TGFBR3: variants seen among roughly 807,000 people sequenced by gnomAD.
TGFBR3 encodes transforming growth factor beta receptor type 3.
TGFBR3 carries 46 observed loss-of-function variants against 87.9 expected under a neutral mutation model. That is an observed-to-expected ratio of 0.52 (90% CI 0.41 to 0.67). The LOEUF (loss-of-function observed/expected upper bound fraction) is 0.67. Ranked by LOEUF, TGFBR3 falls within the 30% of genes least tolerant of loss-of-function variation. TGFBR3 has a pLI of 0.00. For synonymous variants in TGFBR3, 381 were observed against 391.6 expected, an observed-to-expected ratio of 0.97 and a Z score of 0.32; for missense variants, 866 against 1,041.9, an observed-to-expected ratio of 0.83 and a Z score of 2.32.
chr1:91,715,806 C>T (rs1672143298), intron 12 of TGFBR3, among the ~76,000 whole-genome samples: 1 of 151,974 alleles, frequency 6.6e-6, no homozygotes, highest in African/African-American at 2.4e-5. Flanking sequence ...GCGGCATGGA[C>T]CCACAGGGAT....
chr1:91,798,584 T>C (rs1371575899), intron 2 of TGFBR3, among the ~76,000 whole-genome samples: 2 of 152,188 alleles, frequency 1.3e-5, no homozygotes. Context: ...TCTCTTTCTC[T>C]GCCCTCCCGC....
At position 91,681,023 on chromosome 1, in the gene TGFBR3, C is replaced by T. The variant is rs1428300686; in HGVS notation, c.*2716G>A. On this transcript the variant is annotated 3_prime_UTR_variant, in exon 17 of 17. Coordinates refer to ENST00000212355, the MANE Select transcript of TGFBR3 (RefSeq NM_003243.5). ...GGAGTTTGGGGCATTTTAACAACAGCTTCAGCATCAAACAAACAACAAAAT... is the reference window on the plus strand; with the variant it reads ...GGAGTTTGGGGCATTTTAACAACAGTTTCAGCATCAAACAAACAACAAAAT... The T allele has an allele frequency of 6.6e-6, 3 of 453,968 alleles. No individual in the cohort carries two copies. The highest frequency in any genetic ancestry group is 1.3e-5 in the Non-Finnish European group (3 of 226,804). 28.1% of individuals were successfully genotyped at this position (453,968 alleles called of 1,614,324 possible).
intron 1 of TGFBR3, among the ~76,000 whole-genome samples, chr1:91,883,630 T>C (rs1679183838): frequency 6.6e-6 from 1 of 152,188 alleles, no homozygotes; most frequent in African/African-American, 2.4e-5. Context: ...GGGTTGCCTT[T>C]GAAGTGCTGG....
chr1:91,735,014 T>C, intron 4 of TGFBR3, 55 bp from the exon 5 acceptor site: 1 of 1,598,900 alleles, frequency 6.3e-7, no homozygotes, highest in South Asian at 1.1e-5. Context: ...AGCTGAATCA[T>C]AATTAGAGAA....
chr1:91,880,879 T>C (rs1171077662), intron 1 of TGFBR3, among the ~76,000 whole-genome samples: 1 of 149,558 alleles, frequency 6.7e-6, no homozygotes, highest in Non-Finnish European at 1.5e-5. Context: ...TTATACAATA[T>C]ATAGTTATAG....
At chr1:91,809,464 G>GA (rs1245015656) in intron 2 of TGFBR3, among the ~76,000 whole-genome samples, 2 of 152,208 alleles carry the variant, frequency 1.3e-5, no homozygotes, top group Non-Finnish European at 2.9e-5. Context: ...AGGAAGGGCA[G>GA]AAGGGGGAAA....
chr1:91,709,100 G>A (rs1403420389), intron 13 of TGFBR3, among the ~76,000 whole-genome samples: 1 of 152,152 alleles, frequency 6.6e-6, no homozygotes, highest in Non-Finnish European at 1.5e-5. Context: ...TATATGCCTA[G>A]TGTTGGTCCT....
At chr1:91,719,228 T>G (rs1370438564) in intron 10 of TGFBR3, 84 bp downstream of exon 10, 1 of 1,595,748 alleles carries the variant, frequency 6.3e-7, no homozygotes, top group Admixed American at 1.7e-5. Context: ...CTCTTCATCT[T>G]CAAAGAAATG....
chr1:91,815,418 A>G (rs1676187690), intron 2 of TGFBR3, among the ~76,000 whole-genome samples: 1 of 152,130 alleles, frequency 6.6e-6, no homozygotes, highest in Non-Finnish European at 1.5e-5. Flanking sequence ...GAAGTGTTTA[A>G]TTAAATCAGG....
At chr1:91,815,110 T>C (rs1676169264) in intron 2 of TGFBR3, among the ~76,000 whole-genome samples, 1 of 152,146 alleles carries the variant, frequency 6.6e-6, no homozygotes, top group Non-Finnish European at 1.5e-5. Context: ...AAGACTAGCC[T>C]GGCCAACATG....
At chr1:91,857,357 T>TA (rs759774991) in intron 2 of TGFBR3, among the ~76,000 whole-genome samples, 4,646 of 144,248 alleles carry the variant, frequency 0.032, 97 homozygotes, top group Non-Finnish European at 0.04. Context: ...TCCATTTATT[T>TA]AAAAAAAAAA....
intron 2 of TGFBR3, among the ~76,000 whole-genome samples, chr1:91,893,078 GCTGTTATTATTGGGT>G (rs909907855): frequency 6.6e-6 from 1 of 152,066 alleles, no homozygotes; most frequent in Non-Finnish European, 1.5e-5. Context: ...AAAAATTATT[GCTGTTATTATTGGGT>G]CTGTTATTAT....
rs936075197 is a variant in TGFBR3 at position 91,744,574 on chromosome 1, T to C, written c.385-9615A>G. On this transcript the variant is annotated intron_variant, in intron 4 of 16. Coordinates refer to ENST00000212355, the MANE Select transcript of TGFBR3 (RefSeq NM_003243.5). ...TTGGTCTGGTCTCAACATAAATCAA[T>C]GTCAAGAAAACATCTCAAGCCCAAC... is the stretch of plus-strand genomic sequence containing the variant. Among the ~76,000 whole-genome samples, 7 of 112,138 alleles carry C rather than the reference T, an allele frequency of 6.2e-5. No individual in the cohort carries two copies. In the East Asian group the frequency reaches 1.6e-3, roughly 25 times the overall value. The allele number at this position is 112,138 out of a possible 152,430, so 73.6% of individuals were successfully genotyped here.
chr1:91,820,704 T>C (rs1676417497), intron 2 of TGFBR3, among the ~76,000 whole-genome samples: 1 of 152,012 alleles, frequency 6.6e-6, no homozygotes, highest in South Asian at 2.1e-4. Flanking sequence ...ATAACCTAAA[T>C]GTTCATCAAA....
intron 9 of TGFBR3, 106 bp from the exon 10 acceptor site, chr1:91,719,570 G>A (rs2100780767): frequency 7.1e-7 from 1 of 1,399,824 alleles, no homozygotes; most frequent in Non-Finnish European, 1.0e-6. Flanking sequence ...GGCGATGAGA[G>A]GCCTGCATCG....
In TGFBR3 at chr1:91,791,151, C is replaced by T. The variant is rs140077797; in HGVS notation, c.246+6136G>A. 7.2e-4 allele frequency among the ~76,000 whole-genome samples: 110 copies of T among 152,234 alleles called. 2 individuals carry two copies. In the East Asian group the frequency reaches 0.02, roughly 27 times the overall value. Reference sequence around the variant, plus strand: ...GCATATCATTCTTAGCAAGAAGAGTCAGTTAATATGCTAGTTCTCTCTTAC... The same window carrying T: ...GCATATCATTCTTAGCAAGAAGAGTTAGTTAATATGCTAGTTCTCTCTTAC... On this transcript the variant is annotated intron_variant, in intron 3 of 16. Coordinates refer to ENST00000212355, the MANE Select transcript of TGFBR3 (RefSeq NM_003243.5).
chr1:91,719,786 C>T (rs1226238813), intron 9 of TGFBR3, 107 bp downstream of exon 9: 6 of 1,266,226 alleles, frequency 4.7e-6, no homozygotes, highest in Non-Finnish European at 5.7e-6. Flanking sequence ...AGTATCAAGC[C>T]TCCGGAGTTC....
At chr1:91,699,164 G>A (rs1671534576) in intron 14 of TGFBR3, among the ~76,000 whole-genome samples, 1 of 152,070 alleles carries the variant, frequency 6.6e-6, no homozygotes, top group Admixed American at 6.5e-5. Context: ...CTTCACCCAT[G>A]GTGGGCTCCC....
intron 2 of TGFBR3, among the ~76,000 whole-genome samples, chr1:91,892,509 T>C (rs1679471457): frequency 6.6e-6 from 1 of 152,228 alleles, no homozygotes; most frequent in Non-Finnish European, 1.5e-5. Flanking sequence ...CCTGTAAATG[T>C]TTTGAATCTC....
Sources: allele counts gnomAD v4.1 joint callset (sites outside exome capture counted in the v4.1 genomes callset), GRCh38; gene constraint gnomAD v4.1.1; transcripts MANE v1.5; gene names NCBI Gene and HGNC (gene_info 2026-07-23, HGNC 2026-07-21).